DLGAP1: variants seen among roughly 807,000 people sequenced by gnomAD.
DLGAP1 encodes disks large-associated protein 1.
In DLGAP1, 11 loss-of-function variants were observed where a neutral mutation model predicts 90.8. The ratio of observed to expected loss-of-function variants is 0.12; its 90% CI spans 0.08 to 0.20. The LOEUF (loss-of-function observed/expected upper bound fraction) is 0.20, where lower values mean the gene tolerates loss of function less well. Among genes scored for constraint, DLGAP1 ranks in the 10% least tolerant of loss-of-function variants. The pLI is 1.00. For missense variants in DLGAP1, 1,050 were observed against 1,333.8 expected, an observed-to-expected ratio of 0.79 and a Z score of 3.31; for synonymous variants, 558 against 540.7, an observed-to-expected ratio of 1.03 and a Z score of -0.44.
At chr18:3,771,829 C>T (rs2064564971) in intron 5 of DLGAP1, among the ~76,000 whole-genome samples, 3 of 147,242 alleles carry the variant, frequency 2.0e-5, no homozygotes, top group Non-Finnish European at 3.0e-5. Context: ...AACTGCCTGC[C>T]CTAGCTCTGA....
At chr18:3,712,208 T>C (rs1410131114) in intron 7 of DLGAP1, among the ~76,000 whole-genome samples, 1 of 152,220 alleles carries the variant, frequency 6.6e-6, no homozygotes, top group Non-Finnish European at 1.5e-5. Flanking sequence ...CCTTTATTTC[T>C]TGAGTGTTCT....
chr18:3,704,688 A>G (rs1456073106), intron 7 of DLGAP1, among the ~76,000 whole-genome samples: 1 of 152,108 alleles, frequency 6.6e-6, no homozygotes, highest in Non-Finnish European at 1.5e-5. Context: ...CTCTGAATTA[A>G]AATGTCTGAG....
At chr18:4,117,920 T>C (rs1489734141) in intron 2 of DLGAP1, among the ~76,000 whole-genome samples, 1 of 152,098 alleles carries the variant, frequency 6.6e-6, no homozygotes, top group East Asian at 1.9e-4. Flanking sequence ...TGTGGTTTAG[T>C]GGTGTTTTCA....
intron 3 of DLGAP1, among the ~76,000 whole-genome samples, chr18:4,003,064 C>A (rs1292290071): frequency 3.9e-5 from 6 of 152,188 alleles, no homozygotes; most frequent in African/African-American, 1.4e-4. Flanking sequence ...CTTTCCTCCC[C>A]TAAGAAGCTT....
At chr18:3,693,506 A>T (rs1479877492) in intron 7 of DLGAP1, among the ~76,000 whole-genome samples, 1 of 152,276 alleles carries the variant, frequency 6.6e-6, no homozygotes, top group South Asian at 2.1e-4. Context: ...ATGTTAGAAA[A>T]CGGATATTAA....
intron 7 of DLGAP1, among the ~76,000 whole-genome samples, chr18:3,627,607 T>C (rs2058343583): frequency 6.6e-6 from 1 of 152,148 alleles, no homozygotes; most frequent in Non-Finnish European, 1.5e-5. Flanking sequence ...TGAAAAAACA[T>C]ACAGTAGTTT....
At chr18:4,050,377 T>C (rs76747510) in intron 2 of DLGAP1, among the ~76,000 whole-genome samples, 29 of 152,322 alleles carry the variant, frequency 1.9e-4, no homozygotes, top group African/African-American at 6.7e-4. Flanking sequence ...CAAATACTTT[T>C]ATTTACAGAT....
intron 4 of DLGAP1, among the ~76,000 whole-genome samples, chr18:3,858,516 G>GTATA (rs750830693): frequency 7.0e-6 from 1 of 142,804 alleles, no homozygotes; most frequent in African/African-American, 2.6e-5. Flanking sequence ...ATATATACAC[G>GTATA]TATATATATA....
At chr18:3,736,529 A>G (rs2062645574) in intron 6 of DLGAP1, among the ~76,000 whole-genome samples, 1 of 152,186 alleles carries the variant, frequency 6.6e-6, no homozygotes, top group Non-Finnish European at 1.5e-5. Flanking sequence ...GATATAATGC[A>G]CTTAAATTCT....
chr18:4,163,569 T>G (rs1187211748), intron 1 of DLGAP1, among the ~76,000 whole-genome samples: 4 of 152,220 alleles, frequency 2.6e-5, no homozygotes, highest in Non-Finnish European at 5.9e-5. Context: ...AAGTAAATTG[T>G]GCACATACTT....
intron 3 of DLGAP1, among the ~76,000 whole-genome samples, chr18:3,966,436 A>G (rs2073333131): frequency 6.6e-6 from 1 of 152,204 alleles, no homozygotes; most frequent in African/African-American, 2.4e-5. Context: ...TCAGTGGAGA[A>G]TGAACCATTG....
chr18:4,320,717 T>TAC (rs71160954), intron 1 of DLGAP1, among the ~76,000 whole-genome samples: 3 of 146,928 alleles, frequency 2.0e-5, no homozygotes, highest in East Asian at 2.0e-4. Context: ...ATTACAATTT[T>TAC]ACACACACAC....
At chr18:4,153,896 A>C (rs2076712921) in intron 1 of DLGAP1, among the ~76,000 whole-genome samples, 1 of 152,190 alleles carries the variant, frequency 6.6e-6, no homozygotes, top group Non-Finnish European at 1.5e-5. Context: ...CAGGCCCATA[A>C]CTGGGACTGT....
chr18:3,811,050 C>T (rs1319423918), intron 5 of DLGAP1, among the ~76,000 whole-genome samples: 1 of 152,192 alleles, frequency 6.6e-6, no homozygotes, highest in African/African-American at 2.4e-5. Flanking sequence ...AAGCAATCTG[C>T]CCACCTTGGC....
chr18:3,764,420 G>A (rs938399732), intron 5 of DLGAP1, among the ~76,000 whole-genome samples: 4 of 137,766 alleles, frequency 2.9e-5, no homozygotes, highest in East Asian at 4.4e-4. Context: ...AACTACATAT[G>A]TTCCTATTGC....
intron 1 of DLGAP1, among the ~76,000 whole-genome samples, chr18:4,326,321 C>G (rs1359725981): frequency 1.3e-5 from 2 of 152,000 alleles, no homozygotes; most frequent in Non-Finnish European, 2.9e-5. Context: ...GTCAGAATGT[C>G]TATTATTAAA....
In DLGAP1 at chr18:3,670,435, T is replaced by G. The variant is rs1016998065; in HGVS notation, c.1591+58700A>C. 2.6e-5 allele frequency among the ~76,000 whole-genome samples: 4 copies of G among 152,252 alleles called. No homozygotes were observed. The East Asian group carries it at 5.8e-4, about 22-fold the overall frequency. ...AATTTCTCTGCATTACAAGCAAATCTGGCAACTGATAACTTCCTGGACAGC... is the reference window on the plus strand; with the variant it reads ...AATTTCTCTGCATTACAAGCAAATCGGGCAACTGATAACTTCCTGGACAGC... On this transcript the variant is annotated intron_variant, in intron 7 of 12. Coordinates refer to ENST00000315677, the MANE Select transcript of DLGAP1 (RefSeq NM_004746.4).
intron 2 of DLGAP1, among the ~76,000 whole-genome samples, chr18:4,023,510 A>G (rs1251900191): frequency 6.6e-6 from 1 of 152,104 alleles, no homozygotes; most frequent in Non-Finnish European, 1.5e-5. Flanking sequence ...TAATTTTTGC[A>G]TTCAATGTTA....
rs72860668 is a variant in DLGAP1, at chr18:4,248,278, G to A, written c.-266-96991C>T. ...GGAAATAATTAACAATAACCTTCAC[G>A]GCGAAATGAAGAACAGAGCAGGAGC... On this transcript the variant is annotated intron_variant, in intron 1 of 12. Coordinates refer to ENST00000315677, the MANE Select transcript of DLGAP1 (RefSeq NM_004746.4). 5.0e-3 allele frequency among the ~76,000 whole-genome samples: 767 copies of A among 152,254 alleles called. 4 individuals carry two copies. Among genetic ancestry groups the A allele is most frequent in the Admixed American group, 8.2e-3 (126 of 15,292 alleles).
Sources: gnomAD v4.1 joint callset for allele counts (sites outside exome capture counted in the v4.1 genomes callset) on GRCh38, gnomAD v4.1.1 for gene constraint, MANE v1.5 for transcripts, NCBI Gene and HGNC (gene_info 2026-07-23, HGNC 2026-07-21) for gene names.